ANKRD7: variants seen among roughly 807,000 people sequenced by gnomAD.
ANKRD7 encodes the protein ankyrin repeat domain-containing protein 7.
Under a neutral mutation model 30.8 loss-of-function variants are expected in ANKRD7, and 30 were observed. The observed-to-expected ratio is 0.97, with a 90% CI of 0.73 to 1.32. ANKRD7 has a LOEUF of 1.32. Ranked by LOEUF, ANKRD7 falls within the 40% of genes most tolerant of loss-of-function variation. The pLI is 0.00. For synonymous variants in ANKRD7, 97 were observed against 106.6 expected (o/e 0.91, Z 0.55); for missense variants, 264 against 295.7 (o/e 0.89, Z 0.79).
At chr7:118,238,843 A>C (rs1809777095) in intron 5 of ANKRD7, among the ~76,000 whole-genome samples, 2 of 152,250 alleles carry the variant, frequency 1.3e-5, no homozygotes, top group South Asian at 4.1e-4. Context: ...TAAACCTGAG[A>C]GCTGTGGGCT....
At chr7:118,236,680 C>T in intron 4 of ANKRD7, 110 bp from the exon 5 acceptor site, 1 of 1,176,996 alleles carries the variant, frequency 8.5e-7, no homozygotes, top group South Asian at 1.5e-5. Context: ...TGCTTTGACT[C>T]TTTCTGATAG....
chr7:118,227,472 C>T (rs1186542068), intron 1 of ANKRD7, among the ~76,000 whole-genome samples: 1 of 152,090 alleles, frequency 6.6e-6, no homozygotes, highest in African/African-American at 2.4e-5. Flanking sequence ...GTTTTGTATT[C>T]GCTCAGGGTG....
intron 1 of ANKRD7, among the ~76,000 whole-genome samples, chr7:118,233,052 G>A (rs555769878): frequency 6.6e-6 from 1 of 152,216 alleles, no homozygotes; most frequent in African/African-American, 2.4e-5. Context: ...AGCTTAATTA[G>A]TGCTTCATTG....
chr7:118,236,902 A>G lies in ANKRD7; in HGVS notation c.688A>G (p.Met230Val), dbSNP rs1809740036. Residue 230 changes from methionine to valine, a missense_variant, in exon 5 of 7, where the codon ATG becomes GTG. Physicochemically the swap from Met to Val is conservative, Grantham distance 21. Coordinates refer to ENST00000265224, the MANE Select transcript of ANKRD7 (RefSeq NM_019644.4). ...TATTGTGGATTCACAGCTGAGGAAT[A>G]TGTTTATTTCCATGGTTTTACTGCG... ...EGIVDSQLRN[M>V]FISMVLLHRY... 1 of 1,613,968 alleles carries G rather than the reference A, an allele frequency of 6.2e-7. No individual in the cohort carries two copies. The highest frequency in any genetic ancestry group is 8.5e-7 in the Non-Finnish European group (1 of 1,179,892).
intron 1 of ANKRD7, among the ~76,000 whole-genome samples, chr7:118,231,118 A>G (rs1020303602): frequency 1.3e-5 from 2 of 152,062 alleles, no homozygotes; most frequent in Non-Finnish European, 2.9e-5. Context: ...TCATGCAGAG[A>G]TACCTTCAGT....
chr7:118,237,868 C>G (rs1463594161), intron 5 of ANKRD7, among the ~76,000 whole-genome samples: 1 of 152,008 alleles, frequency 6.6e-6, no homozygotes, highest in Non-Finnish European at 1.5e-5. Context: ...TGCATAAAAT[C>G]TTAATGAAAT....
intron 2 of ANKRD7, 50 bp from the exon 3 acceptor site, chr7:118,234,651 A>G (rs1011494312): frequency 6.4e-7 from 1 of 1,569,740 alleles, no homozygotes; most frequent in Non-Finnish European, 8.6e-7. Context: ...TTAATTTATC[A>G]TATCCCAAGT....
At chr7:118,234,989 T>A (rs1809702938) in intron 3 of ANKRD7, 115 bp downstream of exon 3, 2 of 847,080 alleles carry the variant, frequency 2.4e-6, no homozygotes, top group Non-Finnish European at 3.4e-6. Flanking sequence ...TTTTCCAAAC[T>A]AAAATTGGGG....
At chr7:118,225,850 A>G (rs944626348) in intron 1 of ANKRD7, among the ~76,000 whole-genome samples, 7 of 152,066 alleles carry the variant, frequency 4.6e-5, no homozygotes, top group Admixed American at 2.0e-4. Context: ...CTTATCACCA[A>G]TTTTCTTAAA....
intron 6 of ANKRD7, among the ~76,000 whole-genome samples, chr7:118,240,228 T>G (rs1411424691): frequency 6.6e-6 from 1 of 152,138 alleles, no homozygotes; most frequent in Non-Finnish European, 1.5e-5. Context: ...TAGTTACATA[T>G]GTATACATGT....
intron 1 of ANKRD7, among the ~76,000 whole-genome samples, chr7:118,225,357 G>A (rs1002129347): frequency 6.6e-6 from 1 of 151,844 alleles, no homozygotes; most frequent in Non-Finnish European, 1.5e-5. Context: ...GCGTGGTGGC[G>A]GACGCCTGTA....
chr7:118,227,670 C>G (rs1809567525), intron 1 of ANKRD7, among the ~76,000 whole-genome samples: 1 of 152,072 alleles, frequency 6.6e-6, no homozygotes, highest in African/African-American at 2.4e-5. Flanking sequence ...TACATAATAT[C>G]TTCAAACAAA....
chr7:118,234,948 A>G (rs1168803113), intron 3 of ANKRD7, 74 bp downstream of exon 3: 5 of 1,251,858 alleles, frequency 4.0e-6, no homozygotes, highest in Non-Finnish European at 5.4e-6. Context: ...TAATTCATCT[A>G]TGTTGAAATA....
At chr7:118,229,717 G>A (rs1584722040) in intron 1 of ANKRD7, among the ~76,000 whole-genome samples, 1 of 151,868 alleles carries the variant, frequency 6.6e-6, no homozygotes, top group African/African-American at 2.4e-5. Flanking sequence ...GTAGCATACA[G>A]GAAGCAACAA....
intron 1 of ANKRD7, among the ~76,000 whole-genome samples, chr7:118,229,883 A>C (rs997975732): frequency 6.6e-6 from 1 of 152,164 alleles, no homozygotes; most frequent in African/African-American, 2.4e-5. Context: ...AACATATGCA[A>C]ATCAATAAAT....
At chr7:118,231,695 C>T (rs1484201528) in intron 1 of ANKRD7, among the ~76,000 whole-genome samples, 1 of 152,116 alleles carries the variant, frequency 6.6e-6, no homozygotes, top group Non-Finnish European at 1.5e-5. Flanking sequence ...ACGCTCATCT[C>T]AGTCATCCCT....
At chr7:118,227,692 C>A (rs777138800) in intron 1 of ANKRD7, among the ~76,000 whole-genome samples, 1 of 152,088 alleles carries the variant, frequency 6.6e-6, no homozygotes, top group East Asian at 1.9e-4. Flanking sequence ...CCATTAACAA[C>A]CACTTGCTGC....
At chr7:118,232,328 A>G (rs1331696819) in intron 1 of ANKRD7, among the ~76,000 whole-genome samples, 1 of 152,052 alleles carries the variant, frequency 6.6e-6, no homozygotes, top group Non-Finnish European at 1.5e-5. Flanking sequence ...TTAAACTAAG[A>G]TGACTGCTTT....
chr7:118,225,844 T>A (rs1288891785), intron 1 of ANKRD7, among the ~76,000 whole-genome samples: 3 of 152,212 alleles, frequency 2.0e-5, no homozygotes, highest in Non-Finnish European at 4.4e-5. Context: ...CCATTACTTA[T>A]CACCAATTTT....
Sources: gnomAD v4.1 joint callset for allele counts (sites outside exome capture counted in the v4.1 genomes callset) on GRCh38, gnomAD v4.1.1 for gene constraint, MANE v1.5 for transcripts, NCBI Gene and HGNC (gene_info 2026-07-23, HGNC 2026-07-21) for gene names.